The following ZNF367 variants were observed in gnomAD, a reference collection of about 807,000 sequenced individuals.
ZNF367 encodes the protein zinc finger protein 367.
ZNF367 carries 11 observed loss-of-function variants against 31.8 expected under a neutral mutation model. The observed-to-expected ratio is 0.35, with a 90% CI of 0.22 to 0.57. The LOEUF is 0.57. Among genes scored for constraint, ZNF367 ranks in the 20% least tolerant of loss-of-function variants. The pLI, the probability that ZNF367 is intolerant of heterozygous loss-of-function variation, is 0.85. For missense variants in ZNF367, 353 were observed against 484.1 expected, an observed-to-expected ratio of 0.73 and a Z score of 2.54; for synonymous variants, 199 against 202.4, an observed-to-expected ratio of 0.98 and a Z score of 0.14.
rs1159091835 is a variant in ZNF367 at position 96,387,228 on chromosome 9, G to A, written c.*1009C>T. 1.3e-5 allele frequency: 2 copies of A among 152,164 alleles called. No individual in the cohort carries two copies. Among genetic ancestry groups the A allele is most frequent in the Non-Finnish European group, 2.9e-5 (2 of 68,016 alleles). The allele number at this position is 152,164 out of a possible 1,614,324, so 9.4% of individuals were successfully genotyped here. The stretch of plus-strand genomic sequence containing the variant: ...ACAAAATAGCTTGGCATGTTACTCT[G>A]AAGTAAAGCAAGAAGGTGGCTTTAT... On this transcript the variant is annotated 3_prime_UTR_variant, in exon 5 of 5. Transcript: ENST00000375256.
chr9:96,394,818 C>T lies in ZNF367; in HGVS notation c.691+5G>A, dbSNP rs759104708. 18 of 1,613,108 alleles carry T rather than the reference C, an allele frequency of 1.1e-5. No homozygotes were observed. The highest frequency in any genetic ancestry group is 3.3e-5 in the Admixed American group (2 of 59,964). On this transcript the variant is annotated splice_donor_5th_base_variant and intron_variant, in intron 3 of 4. Transcript: ENST00000375256. ...ATTCCATAAACTTAACTTCTAACACCGTACCATTTTCTGAACAAACAAAAG... is the reference window on the plus strand; with the variant it reads ...ATTCCATAAACTTAACTTCTAACACTGTACCATTTTCTGAACAAACAAAAG...
At chr9:96,413,174 T>C (rs10122517) in intron 1 of ZNF367, among the ~76,000 whole-genome samples, 44,310 of 152,026 alleles carry the variant, frequency 0.29, 8,622 homozygotes, top group African/African-American at 0.56. Context: ...CTTAACTAGA[T>C]TTTGTCTTGG....
chr9:96,409,967 A>G (rs1831720643), intron 1 of ZNF367, among the ~76,000 whole-genome samples: 1 of 152,270 alleles, frequency 6.6e-6, no homozygotes, highest in East Asian at 1.9e-4. Context: ...GAAACAGAAC[A>G]TGAAATCAGG....
intron 1 of ZNF367, among the ~76,000 whole-genome samples, chr9:96,406,384 C>G (rs1317480218): frequency 6.6e-6 from 1 of 152,108 alleles, no homozygotes; most frequent in Non-Finnish European, 1.5e-5. Flanking sequence ...AAGTTCAATC[C>G]CTACATGGAT....
At chr9:96,408,426 T>G (rs1414026209) in intron 1 of ZNF367, among the ~76,000 whole-genome samples, 1 of 152,206 alleles carries the variant, frequency 6.6e-6, no homozygotes, top group Non-Finnish European at 1.5e-5. Context: ...TTAGTAACAA[T>G]GGAAAACTAC....
At chr9:96,416,538 C>G (rs1200857270) in intron 1 of ZNF367, among the ~76,000 whole-genome samples, 1 of 152,152 alleles carries the variant, frequency 6.6e-6, no homozygotes, top group African/African-American at 2.4e-5. Context: ...GTTTCAACAT[C>G]CTTGTGACTG....
chr9:96,392,370 A>C, intron 4 of ZNF367, 28 bp downstream of exon 4: 1 of 1,613,970 alleles, frequency 6.2e-7, no homozygotes, highest in Non-Finnish European at 8.5e-7. Context: ...GTGCATCTTC[A>C]CGGTGGACTA....
At position 96,388,088 on chromosome 9, in the gene ZNF367, C is replaced by T. The variant is rs573758525; in HGVS notation, c.*149G>A. 2 of 719,714 alleles carry T rather than the reference C, an allele frequency of 2.8e-6. No individual in the cohort carries two copies. The highest frequency in any genetic ancestry group is 2.2e-5 in the South Asian group (1 of 45,876). The allele number at this position is 719,714 out of a possible 1,614,324, so 44.6% of individuals were successfully genotyped here. On this transcript the variant is annotated 3_prime_UTR_variant, in exon 5 of 5. Coordinates refer to ENST00000375256, the MANE Select transcript of ZNF367 (RefSeq NM_153695.4). ...TTAAAAAAGTGCAGTTCTCTCTCAC[C>T]CCATATTCTGGGGCAATAACATTCT...
At chr9:96,407,980 A>AAAATAAAT (rs3045262) in intron 1 of ZNF367, among the ~76,000 whole-genome samples, 3,292 of 148,534 alleles carry the variant, frequency 0.022, 60 homozygotes, top group South Asian at 0.068. Flanking sequence ...AATGGAACAC[A>AAAATAAAT]AAATAAATAA....
chr9:96,398,817 G>A (rs1263124400), intron 1 of ZNF367, among the ~76,000 whole-genome samples: 1 of 152,164 alleles, frequency 6.6e-6, no homozygotes, highest in African/African-American at 2.4e-5. Flanking sequence ...TACTCCTTTA[G>A]TCCCTGCTTC....
intron 4 of ZNF367, 87 bp from the exon 5 acceptor site, chr9:96,388,546 T>C: frequency 5.2e-6 from 6 of 1,151,014 alleles, no homozygotes; most frequent in Non-Finnish European, 6.2e-6. Flanking sequence ...CATACCACAA[T>C]ATTACTTTTA....
intron 1 of ZNF367, among the ~76,000 whole-genome samples, chr9:96,411,802 C>T (rs1023751773): frequency 2.6e-5 from 4 of 152,188 alleles, no homozygotes; most frequent in Admixed American, 1.3e-4. Flanking sequence ...GAAGGGTTCA[C>T]TAAGTGCATT....
intron 2 of ZNF367, among the ~76,000 whole-genome samples, chr9:96,396,745 G>A (rs1363855463): frequency 2.0e-5 from 3 of 151,380 alleles, no homozygotes; most frequent in African/African-American, 4.9e-5. Flanking sequence ...TTGGCTCACC[G>A]CAACCTCCAC....
chr9:96,387,997 C>G lies in ZNF367; in HGVS notation c.*240G>C. On this transcript the variant is annotated 3_prime_UTR_variant, in exon 5 of 5. Transcript: ENST00000375256. ...CTAGCTTCCCACAATATGTAGTTTTCTACCCTGTACTGTGCAGTCCATATT... is the reference window on the plus strand; with the variant it reads ...CTAGCTTCCCACAATATGTAGTTTTGTACCCTGTACTGTGCAGTCCATATT... 1 of 404,202 alleles carries G rather than the reference C, an allele frequency of 2.5e-6. No individual in the cohort carries two copies. The highest frequency in any genetic ancestry group is 4.3e-6 in the Non-Finnish European group (1 of 231,316). The allele number at this position is 404,202 out of a possible 1,614,324, so 25.0% of individuals were successfully genotyped here.
chr9:96,388,940 G>GTT lies in ZNF367; in HGVS notation c.831-483_831-482dup, dbSNP rs141123124. Among the ~76,000 whole-genome samples the GTT allele has an allele frequency of 2.6e-3, 400 of 152,316 alleles. 1 individual carries two copies. The highest frequency in any genetic ancestry group is 9.1e-3 in the African/African-American group (378 of 41,562). On this transcript the variant is annotated intron_variant, in intron 4 of 4. Coordinates refer to ENST00000375256, the MANE Select transcript of ZNF367 (RefSeq NM_153695.4). Reference sequence around the variant, plus strand: ...AACTTAAAAACACTACCCTTATTCTGTTACATGGCCAACTGATAATTTACA... The same window carrying GTT: ...AACTTAAAAACACTACCCTTATTCTGTTTTACATGGCCAACTGATAATTTACA...
rs1831848325 is a variant in ZNF367, at chr9:96,417,516, G to C, written c.420+97C>G. On this transcript the variant is annotated intron_variant, in intron 1 of 4. Coordinates refer to ENST00000375256, the MANE Select transcript of ZNF367 (RefSeq NM_153695.4). The surrounding 1 kb of genome is among the most constrained non-coding windows in gnomAD (Gnocchi z 5.0). Reference sequence around the variant, plus strand: ...TCAGCCGCAGCCCCCGCCGTAGCCGGATCGACCTCGCGTTTTCAACTCCGC... The same window carrying C: ...TCAGCCGCAGCCCCCGCCGTAGCCGCATCGACCTCGCGTTTTCAACTCCGC... The C allele has an allele frequency of 1.9e-5, 5 of 264,686 alleles. No individual in the cohort carries two copies. The South Asian group carries it at 7.5e-4, about 40-fold the overall frequency. The allele number at this position is 264,686 out of a possible 1,614,324, so 16.4% of individuals were successfully genotyped here. A position where few individuals can be genotyped will look rare whatever the true frequency, so the allele number is the denominator to read the frequency against.
At position 96,387,923 on chromosome 9, in the gene ZNF367, GT is replaced by G. The variant is rs2131068521; in HGVS notation, c.*313del. On this transcript the variant is annotated 3_prime_UTR_variant, in exon 5 of 5. Transcript: ENST00000375256. The stretch of plus-strand genomic sequence containing the variant: ...TTCAAACAAGTGTCTTATTCAGAAA[GT>G]GCTTCCTGTGAGAACTGCTTCCAAT... 3.5e-6 allele frequency: 1 copy of G among 287,776 alleles called. No individual in the cohort carries two copies. The highest frequency in any genetic ancestry group is 2.2e-5 in the African/African-American group (1 of 46,162). 17.8% of individuals were successfully genotyped at this position (287,776 alleles called of 1,614,324 possible).
At chr9:96,404,453 C>T (rs1443994349) in intron 1 of ZNF367, among the ~76,000 whole-genome samples, 1 of 152,002 alleles carries the variant, frequency 6.6e-6, no homozygotes, top group East Asian at 1.9e-4. Context: ...ATTAGCCGGG[C>T]GCGGTGGCGG....
intron 1 of ZNF367, 96 bp from the exon 2 acceptor site, chr9:96,398,410 G>A: frequency 8.7e-7 from 1 of 1,149,308 alleles, no homozygotes; most frequent in Middle Eastern, 2.7e-4. Flanking sequence ...TTTCTTGGGA[G>A]CTGGGCGCAG....
Sources: gnomAD v4.1 joint callset for allele counts (sites outside exome capture counted in the v4.1 genomes callset) on GRCh38, gnomAD v4.1.1 for gene constraint, Gnocchi (gnomAD v3.1) non-coding constraint, MANE v1.5 for transcripts, NCBI Gene and HGNC (gene_info 2026-07-23, HGNC 2026-07-21) for gene names.